Variants in OR1J2 observed in about 807,000 individuals in gnomAD.
OR1J2 encodes the protein olfactory receptor family 1 subfamily J member 2.
For synonymous variants in OR1J2, 142 were observed against 99.7 expected (o/e 1.42, Z -2.52); for missense variants, 304 against 246.1 (o/e 1.24, Z -1.57).
At chr9:122,477,788 G>A in the OR1J2 span, 48 of 1,614,018 alleles carry the variant, frequency 3.0e-5, no homozygotes, top group African/African-American at 5.2e-4. Context: ...TGGATGAGCA[G>A]CATGATGAGC....
the OR1J2 span, among the ~76,000 whole-genome samples, chr9:122,459,828 C>T: frequency 6.6e-6 from 1 of 152,048 alleles, no homozygotes; most frequent in Non-Finnish European, 1.5e-5. Context: ...AATGTGTGGT[C>T]TTTGCTCCCT....
chr9:122,450,327 C>T, the OR1J2 span, among the ~76,000 whole-genome samples: 3 of 152,062 alleles, frequency 2.0e-5, no homozygotes, highest in South Asian at 6.2e-4. Context: ...GCTACTAGGG[C>T]GGCTGAGGCA....
At chr9:122,539,682 A>G in the OR1J2 span, among the ~76,000 whole-genome samples, 1 of 152,174 alleles carries the variant, frequency 6.6e-6, no homozygotes, top group Admixed American at 6.5e-5. Context: ...TCCCTGAGGA[A>G]TCGCCACACT....
At chr9:122,550,205 C>T in the OR1J2 span, among the ~76,000 whole-genome samples, 1 of 152,026 alleles carries the variant, frequency 6.6e-6, no homozygotes, top group African/African-American at 2.4e-5. Context: ...GTGCCAGGAA[C>T]AAGTAGAAAT....
At chr9:122,485,537 ACC>A in the OR1J2 span, among the ~76,000 whole-genome samples, 1 of 152,168 alleles carries the variant, frequency 6.6e-6, no homozygotes, top group Non-Finnish European at 1.5e-5. Context: ...TCCTGTCCCT[ACC>A]CAAGACATCA....
At chr9:122,540,756 G>T in the OR1J2 span, among the ~76,000 whole-genome samples, 25 of 152,080 alleles carry the variant, frequency 1.6e-4, no homozygotes, top group Admixed American at 3.3e-4. Context: ...GAGCATGGAA[G>T]GTTCTTCCAT....
At chr9:122,553,840 T>G in the OR1J2 span, 9 of 1,613,962 alleles carry the variant, frequency 5.6e-6, no homozygotes, top group Non-Finnish European at 6.8e-6. Flanking sequence ...TTGCTGTTCC[T>G]CACTGTTCCC....
At chr9:122,548,442 G>A in the OR1J2 span, among the ~76,000 whole-genome samples, 1 of 152,122 alleles carries the variant, frequency 6.6e-6, no homozygotes, top group African/African-American at 2.4e-5. Context: ...ACAGAAAACA[G>A]GCCAGAGCAA....
At chr9:122,489,919 G>A in the OR1J2 span, among the ~76,000 whole-genome samples, 1 of 152,138 alleles carries the variant, frequency 6.6e-6, no homozygotes, top group Non-Finnish European at 1.5e-5. Context: ...AGCTTTGCAA[G>A]GAGAGTAATA....
At chr9:122,509,995 G>A (rs118173061), upstream of OR1J2, among the ~76,000 whole-genome samples, 3,636 of 152,152 alleles carry the variant, frequency 0.024, 58 homozygotes, top group Non-Finnish European at 0.034. Context: ...GGGGCCTGTC[G>A]GGGGGTGCGG....
At chr9:122,527,326 G>A in the OR1J2 span, 2 of 1,144,254 alleles carry the variant, frequency 1.7e-6, no homozygotes, top group South Asian at 2.0e-5. Context: ...AGGGAAGACA[G>A]TTAGAATGCT....
the OR1J2 span, among the ~76,000 whole-genome samples, chr9:122,459,628 A>G: frequency 6.6e-6 from 1 of 152,166 alleles, no homozygotes; most frequent in African/African-American, 2.4e-5. Context: ...TGTAATCCTC[A>G]TTTCTCATTT....
the OR1J2 span, among the ~76,000 whole-genome samples, chr9:122,461,310 T>C: frequency 6.6e-6 from 1 of 152,142 alleles, no homozygotes; most frequent in Non-Finnish European, 1.5e-5. Flanking sequence ...TTGCTGAGGT[T>C]TTAATCATAA....
the OR1J2 span, chr9:122,477,330 G>A: frequency 6.2e-7 from 1 of 1,614,186 alleles, no homozygotes; most frequent in Admixed American, 1.7e-5. Context: ...CTGCTGTAAA[G>A]ATTGCTAACT....
the OR1J2 span, among the ~76,000 whole-genome samples, chr9:122,491,771 C>T: frequency 6.6e-6 from 1 of 152,024 alleles, no homozygotes; most frequent in Non-Finnish European, 1.5e-5. Flanking sequence ...AACATTGAAG[C>T]TTTGGTGGAA....
chr9:122,515,365 T>C (rs1423733526), downstream of OR1J2, among the ~76,000 whole-genome samples: 2 of 151,022 alleles, frequency 1.3e-5, no homozygotes, highest in Non-Finnish European at 3.0e-5. Flanking sequence ...TGTGTGTGTG[T>C]GTGTGTGTGT....
At chr9:122,527,929 G>A in the OR1J2 span, among the ~76,000 whole-genome samples, 2 of 152,088 alleles carry the variant, frequency 1.3e-5, no homozygotes. Flanking sequence ...ACAACACTAG[G>A]ATGCAGAGAT....
chr9:122,481,767 T>C, the OR1J2 span, among the ~76,000 whole-genome samples: 3 of 152,162 alleles, frequency 2.0e-5, no homozygotes, highest in Non-Finnish European at 2.9e-5. Context: ...TTGGGAAGGA[T>C]AGTCTCTTCA....
the OR1J2 span, among the ~76,000 whole-genome samples, chr9:122,546,140 A>G: frequency 6.6e-6 from 1 of 152,134 alleles, no homozygotes; most frequent in Non-Finnish European, 1.5e-5. Context: ...CCTCATTTAG[A>G]TGATAAGATC....
Sources: gnomAD v4.1 joint callset for allele counts (sites outside exome capture counted in the v4.1 genomes callset) on GRCh38, gnomAD v4.1.1 for gene constraint, MANE v1.5 for transcripts, NCBI Gene and HGNC (gene_info 2026-07-23, HGNC 2026-07-21) for gene names.